RALA: variants seen among roughly 807,000 people sequenced by gnomAD.
The protein encoded by RALA is RAS like proto-oncogene A, also known as ras-related protein Ral-A.
RALA carries 5 observed loss-of-function variants against 24.0 expected under a neutral mutation model. The ratio of observed to expected loss-of-function variants is 0.21; its 90% CI spans 0.11 to 0.44. RALA has a LOEUF of 0.44. Ranked by LOEUF, RALA falls within the 20% of genes least tolerant of loss-of-function variation. The pLI is 0.99. For synonymous variants in RALA, 77 were observed against 83.8 expected, an observed-to-expected ratio of 0.92 and a Z score of 0.44; for missense variants, 95 against 241.2, an observed-to-expected ratio of 0.39 and a Z score of 4.01.
intron 1 of RALA, among the ~76,000 whole-genome samples, chr7:39,652,122 G>A (rs528188808): frequency 1.3e-5 from 2 of 152,174 alleles, no homozygotes. Flanking sequence ...ATCCTCTAGG[G>A]AGGAGGAATG....
chr7:39,699,477 G>A (rs1050746693), intron 4 of RALA, among the ~76,000 whole-genome samples: 5 of 152,200 alleles, frequency 3.3e-5, no homozygotes, highest in Admixed American at 6.5e-5. Context: ...ATGCACTCAC[G>A]TATACGTGTA....
intron 1 of RALA, among the ~76,000 whole-genome samples, chr7:39,639,761 T>A (rs1034824056): frequency 2.6e-5 from 4 of 152,126 alleles, no homozygotes; most frequent in Admixed American, 2.0e-4. Context: ...GAGAGCCTAT[T>A]CCAGCAACTC....
chr7:39,653,243 T>C (rs1468659073), intron 1 of RALA, among the ~76,000 whole-genome samples: 1 of 152,158 alleles, frequency 6.6e-6, no homozygotes, highest in Non-Finnish European at 1.5e-5. Context: ...TTGGTCAGGC[T>C]GGTCTCAAAC....
chr7:39,638,123 G>A (rs2158547), intron 1 of RALA, among the ~76,000 whole-genome samples: 69,023 of 151,760 alleles, frequency 0.45, 16,507 homozygotes, highest in Non-Finnish European at 0.52. Flanking sequence ...TGTCACTTAG[G>A]CTGAATGCTC....
chr7:39,697,412 G>T (rs1447225337), intron 4 of RALA: 3 of 456,536 alleles, frequency 6.6e-6, no homozygotes, highest in African/African-American at 4.0e-5. Context: ...GTTCAGAGTG[G>T]CCCTTCCTGA....
At chr7:39,671,742 TAAAAC>T (rs1034095361) in intron 1 of RALA, among the ~76,000 whole-genome samples, 1 of 152,200 alleles carries the variant, frequency 6.6e-6, no homozygotes, top group African/African-American at 2.4e-5. Flanking sequence ...ACTGTACCCT[TAAAAC>T]AGAATATTAC....
intron 1 of RALA, among the ~76,000 whole-genome samples, chr7:39,639,004 C>T (rs1791733899): frequency 1.3e-5 from 2 of 152,206 alleles, no homozygotes; most frequent in Non-Finnish European, 2.9e-5. Context: ...TTGAGGGCTT[C>T]TCTTTCTCTG....
chr7:39,664,171 G>A (rs957692868), intron 1 of RALA, among the ~76,000 whole-genome samples: 2 of 152,210 alleles, frequency 1.3e-5, no homozygotes, highest in East Asian at 1.9e-4. Context: ...TTTAAGGCAG[G>A]AAGGAATAGG....
At chr7:39,689,260 T>G (rs1367915579) in intron 2 of RALA, among the ~76,000 whole-genome samples, 1 of 152,196 alleles carries the variant, frequency 6.6e-6, no homozygotes, top group Non-Finnish European at 1.5e-5. Flanking sequence ...CCCTAACTGC[T>G]GGCATTACAG....
chr7:39,641,255 C>T (rs1728887786), intron 1 of RALA, among the ~76,000 whole-genome samples: 1 of 152,098 alleles, frequency 6.6e-6, no homozygotes, highest in Non-Finnish European at 1.5e-5. Context: ...AAGGTTAATA[C>T]CTGGACTATT....
At chr7:39,633,076 C>T (rs1791623959) in intron 1 of RALA, among the ~76,000 whole-genome samples, 1 of 152,120 alleles carries the variant, frequency 6.6e-6, no homozygotes, top group Admixed American at 6.5e-5. Flanking sequence ...CTAAAGCTGT[C>T]ATAGGTCTAT....
intron 1 of RALA, among the ~76,000 whole-genome samples, chr7:39,638,153 C>T (rs2115933765): frequency 6.6e-6 from 1 of 152,250 alleles, no homozygotes; most frequent in African/African-American, 2.4e-5. Context: ...GGCTGGAGTG[C>T]AATGGTGTGA....
chr7:39,625,881 G>T (rs1791477207), intron 1 of RALA, among the ~76,000 whole-genome samples: 1 of 152,148 alleles, frequency 6.6e-6, no homozygotes, highest in East Asian at 1.9e-4. Flanking sequence ...GTTTTTCCAA[G>T]CTTAGCTTCT....
At chr7:39,624,428 G>T (rs1385660258) in intron 1 of RALA, 1 of 151,944 alleles carries the variant, frequency 6.6e-6, no homozygotes, top group African/African-American at 2.4e-5. Context: ...CCATTTTCAG[G>T]TAATCTAGCT....
intron 3 of RALA, among the ~76,000 whole-genome samples, chr7:39,694,679 T>C (rs568757896): frequency 6.6e-6 from 1 of 152,232 alleles, no homozygotes; most frequent in South Asian, 2.1e-4. Flanking sequence ...AAACATTGTC[T>C]AAGAAGCACA....
chr7:39,696,801 A>T lies in RALA; in HGVS notation c.440A>T (p.Glu147Val), dbSNP rs1792930485. The stretch of plus-strand genomic sequence containing the variant: ...GTAGAAGAGGCAAAAAACAGAGCTG[A>T]GCAGTGGAATGTTAACTACGTGGAA... The part of the protein sequence containing the change: ...VSVEEAKNRA[E>V]QWNVNYVETS... The change falls in exon 4 of 5, where the codon GAG becomes GTG. Residue 147 changes from glutamate to valine, a missense_variant. By Grantham distance (121) the Glu-to-Val change is moderately radical (BLOSUM62 -2). Transcript: ENST00000005257. The T allele has an allele frequency of 5.0e-6, 8 of 1,613,802 alleles. No homozygotes were observed. The Admixed American group carries it at 1.3e-4, about 27-fold the overall frequency.
chr7:39,696,674 C>T lies in RALA; in HGVS notation c.324-11C>T, dbSNP rs1339544357. 6.4e-7 allele frequency: 1 copy of T among 1,571,742 alleles called. No homozygotes were observed. The highest frequency in any genetic ancestry group is 1.9e-5 in the Admixed American group (1 of 52,462). On this transcript the variant is annotated splice_polypyrimidine_tract_variant and intron_variant, in intron 3 of 4. Transcript: ENST00000005257. ...AATGTTAATATTTCTTTTTCATTTTCTCTTATCCAGGGAGCAGATTTTAAG... is the reference window on the plus strand; with the variant it reads ...AATGTTAATATTTCTTTTTCATTTTTTCTTATCCAGGGAGCAGATTTTAAG...
chr7:39,647,590 C>G (rs1033835032), intron 1 of RALA, among the ~76,000 whole-genome samples: 4 of 152,106 alleles, frequency 2.6e-5, no homozygotes, highest in African/African-American at 9.7e-5. Context: ...TATGTTCCCC[C>G]CAAATTTGTA....
rs1793131328 is a variant in RALA, at chr7:39,707,003, C to A, written c.*758C>A. The stretch of plus-strand genomic sequence containing the variant: ...AGTAACTGTCCGCTAGAAGTCTGTC[C>A]AAATTTAAAATGTGTGCCATATTCT... On this transcript the variant is annotated 3_prime_UTR_variant, in exon 5 of 5. Transcript: ENST00000005257. The A allele has an allele frequency of 6.6e-6, 1 of 152,592 alleles. No individual in the cohort carries two copies. Among genetic ancestry groups the A allele is most frequent in the Non-Finnish European group, 1.5e-5 (1 of 68,026 alleles). 9.5% of individuals were successfully genotyped at this position (152,592 alleles called of 1,614,324 possible). A position where few individuals can be genotyped will look rare whatever the true frequency, so the allele number is the denominator to read the frequency against.
Sources: allele counts gnomAD v4.1 joint callset (sites outside exome capture counted in the v4.1 genomes callset), GRCh38; gene constraint gnomAD v4.1.1; transcripts MANE v1.5; gene names NCBI Gene and HGNC (gene_info 2026-07-23, HGNC 2026-07-21).